F5: variants seen among roughly 807,000 people sequenced by gnomAD.
F5 encodes coagulation factor V, also known as activated protein c cofactor.
In F5, 138 loss-of-function variants were observed where a neutral mutation model predicts 216.4. The ratio of observed to expected loss-of-function variants is 0.64; its 90% CI spans 0.56 to 0.73. The LOEUF is 0.73. Among genes scored for constraint, F5 ranks in the 30% least tolerant of loss-of-function variants. F5 has a pLI of 0.00. For synonymous variants in F5, 916 were observed against 930.7 expected, an observed-to-expected ratio of 0.98 and a Z score of 0.29; for missense variants, 2,403 against 2,674.0, an observed-to-expected ratio of 0.90 and a Z score of 2.24.
chr1:169,572,147 A>G, intron 3 of F5, 74 bp downstream of exon 3: 1 of 1,462,302 alleles, frequency 6.8e-7, no homozygotes, highest in Non-Finnish European at 9.5e-7. Context: ...TTAACAGTAT[A>G]GTTTTAAATG....
intron 7 of F5, among the ~76,000 whole-genome samples, chr1:169,553,778 G>T (rs892600861): frequency 6.6e-6 from 1 of 152,146 alleles, no homozygotes; most frequent in Admixed American, 6.5e-5. Context: ...GAATGGCGAT[G>T]ATTGAAAAGT....
rs201040236 is a variant in F5, at chr1:169,542,355, C to A, written c.2735G>T (p.Ser912Ile). The change falls in exon 13 of 25, where the codon AGC becomes ATC. Residue 912 changes from serine to isoleucine, a missense_variant. By Grantham distance (142) the Ser-to-Ile change is moderately radical (BLOSUM62 -2). This residue lies in a region of F5 where 1,425 missense variants were observed against 1,554.8 expected (regional missense o/e 0.92). Transcript: ENST00000367797. ...TCTGGAAGGAGAACCAGTGTCTTGG[C>A]TAGGAAGGTCCTCCCAGGGCCTCAT... The part of the protein sequence containing the change: ...SGMRPWEDLP[S>I]QDTGSPSRMR... The A allele has an allele frequency of 7.4e-6, 12 of 1,613,670 alleles. No individual in the cohort carries two copies. In the East Asian group the frequency reaches 2.2e-4, roughly 30 times the overall value.
chr1:169,545,812 T>C (rs187641269), intron 11 of F5, among the ~76,000 whole-genome samples: 269 of 152,304 alleles, frequency 1.8e-3, no homozygotes, highest in Non-Finnish European at 2.9e-3. Flanking sequence ...ACCCTGGCTG[T>C]TGTGGAGAAG....
intron 8 of F5, 137 bp downstream of exon 8, chr1:169,552,420 C>A (rs573589839): frequency 6.8e-6 from 5 of 734,748 alleles, no homozygotes; most frequent in South Asian, 5.8e-5. Context: ...AATACAAATA[C>A]TAAATAAAAA....
chr1:169,570,678 T>C (rs1416842598), intron 3 of F5, among the ~76,000 whole-genome samples: 2 of 151,424 alleles, frequency 1.3e-5, no homozygotes, highest in African/African-American at 4.8e-5. Flanking sequence ...ACAGTTTATA[T>C]AGAAAACAAT....
At chr1:169,515,278 A>G (rs1659131897) in intron 24 of F5, among the ~76,000 whole-genome samples, 166 bp downstream of exon 24, 1 of 152,100 alleles carries the variant, frequency 6.6e-6, no homozygotes, top group Admixed American at 6.6e-5. Context: ...ACAAACCAAA[A>G]CAGACAACCA....
chr1:169,522,364 A>C (rs940830393), intron 21 of F5, among the ~76,000 whole-genome samples: 6 of 152,140 alleles, frequency 3.9e-5, no homozygotes, highest in African/African-American at 1.4e-4. Flanking sequence ...AGAAAAAGAC[A>C]ATTAAAAAAA....
chr1:169,512,063 T>A lies in F5; in HGVS notation c.*2250A>T, dbSNP rs1252094360. ...GATCCCCAAACAAGTATTTTCCAGA[T>A]CAATTAATAGTCATTATCAATTAAT... On this transcript the variant is annotated 3_prime_UTR_variant, in exon 25 of 25. Coordinates refer to ENST00000367797, the MANE Select transcript of F5 (RefSeq NM_000130.5). Among the ~76,000 whole-genome samples the A allele has an allele frequency of 6.6e-6, 1 of 152,058 alleles. No individual in the cohort carries two copies. The highest frequency in any genetic ancestry group is 2.4e-5 in the African/African-American group (1 of 41,424).
intron 16 of F5, 75 bp from the exon 17 acceptor site, chr1:169,528,169 C>A (rs1348520233): frequency 1.2e-5 from 19 of 1,540,336 alleles, no homozygotes; most frequent in Non-Finnish European, 1.5e-5. Context: ...AAATATGGGG[C>A]AACCCACTCA....
intron 8 of F5, among the ~76,000 whole-genome samples, chr1:169,551,792 A>T (rs1660173859): frequency 6.6e-6 from 1 of 152,172 alleles, no homozygotes; most frequent in African/African-American, 2.4e-5. Flanking sequence ...TGCAACCTTT[A>T]ATTCTCTGCT....
Position 169,542,860 on chromosome 1 carries a change from A to C in F5, c.2230T>G (p.Leu744Val). ...TTGAACTCTTCTTCTTCCTGATTCA[A>C]TGATGAGTTTCGGAATGACCTGATT... ...LGIRSFRNSS[L>V]NQEEEEFNLT... Residue 744 changes from leucine (L) to valine (V), a missense_variant, in exon 13 of 25, where the codon TTG (leucine) becomes GTG (valine). Coordinates refer to ENST00000367797, the MANE Select transcript of F5 (RefSeq NM_000130.5). 1 of 1,614,184 alleles carries C rather than the reference A, an allele frequency of 6.2e-7. No individual in the cohort carries two copies. The highest frequency in any genetic ancestry group is 8.5e-7 in the Non-Finnish European group (1 of 1,180,002).
chr1:169,525,041 T>C, intron 18 of F5, 133 bp from the exon 19 acceptor site: 1 of 693,270 alleles, frequency 1.4e-6, no homozygotes, highest in Non-Finnish European at 2.5e-6. Flanking sequence ...GGCCCTGACT[T>C]AAATATATCT....
rs149048805 is a variant in F5 at position 169,541,141 on chromosome 1, C to T, written c.3949G>A (p.Gly1317Ser). ...AGGTCTGGAGAAATGGGCATCTGACCGAGGGCTGGGGAAAGGTTTGTCTGA... is the reference window on the plus strand; with the variant it reads ...AGGTCTGGAGAAATGGGCATCTGACTGAGGGCTGGGGAAAGGTTTGTCTGA... ...LSQTNLSPAL[G>S]QMPISPDLSH... Residue 1317 changes from glycine to serine, a missense_variant, in exon 13 of 25, where the codon GGT (glycine) becomes AGT (serine). Transcript: ENST00000367797. 4.1e-5 allele frequency: 63 copies of T among 1,544,554 alleles called. No homozygotes were observed. The highest frequency in any genetic ancestry group is 2.5e-4 in the African/African-American group (16 of 64,130).
chr1:169,539,891 T>C (rs1378612862), intron 13 of F5, among the ~76,000 whole-genome samples: 2 of 152,134 alleles, frequency 1.3e-5, no homozygotes, highest in East Asian at 3.8e-4. Flanking sequence ...TCTAAACAAG[T>C]AAATGCAAAA....
intron 5 of F5, 24 bp from the exon 6 acceptor site, chr1:169,556,891 G>T: frequency 6.3e-7 from 1 of 1,597,230 alleles, no homozygotes; most frequent in Non-Finnish European, 8.6e-7. Context: ...AGAGACACAG[G>T]CCAAAATAAG....
At chr1:169,571,220 G>A (rs1223163415) in intron 3 of F5, among the ~76,000 whole-genome samples, 1 of 152,000 alleles carries the variant, frequency 6.6e-6, no homozygotes, top group Non-Finnish European at 1.5e-5. Context: ...TTAACATCAG[G>A]TACTTACTAT....
rs567759302 is a variant in F5 at position 169,569,199 on chromosome 1, C to G, written c.373+3022G>C. On this transcript the variant is annotated intron_variant, in intron 3 of 24. Coordinates refer to ENST00000367797, the MANE Select transcript of F5 (RefSeq NM_000130.5). ...ATGAGAAGTGAAAAAATGTAATCAC[C>G]TACATTAAGTCAAGCATTGGAATGT... Among the ~76,000 whole-genome samples, 41 of 152,072 alleles carry G rather than the reference C, an allele frequency of 2.7e-4. No homozygotes were observed. In the Middle Eastern group the frequency reaches 0.027, roughly 101 times the overall value.
rs372005449 is a variant in F5 at position 169,514,399 on chromosome 1, T to C, written c.6589A>G (p.Ile2197Val). ...HVKNFFNPPI[I>V]SRFIRVIPKT... ...GGAATGACACGGATAAACCTGGAAATGATTGGGGGGTTGAAAAAGTTCTTC... is the reference window on the plus strand; with the variant it reads ...GGAATGACACGGATAAACCTGGAAACGATTGGGGGGTTGAAAAAGTTCTTC... The change falls in exon 25 of 25, where the codon ATT (isoleucine) becomes GTT (valine). Residue 2197 changes from isoleucine (I) to valine (V), a missense_variant. Ile to Val is a conservative substitution (Grantham distance 29). This residue lies in a region of F5 where 659 missense variants were observed against 787.9 expected (regional missense o/e 0.84). Coordinates refer to ENST00000367797, the MANE Select transcript of F5 (RefSeq NM_000130.5). 85 of 1,613,202 alleles carry C rather than the reference T, an allele frequency of 5.3e-5. No homozygotes were observed. The highest frequency in any genetic ancestry group is 6.1e-5 in the Non-Finnish European group (72 of 1,179,548).
At chr1:169,521,190 C>G (rs936062762) in intron 21 of F5, among the ~76,000 whole-genome samples, 3 of 152,146 alleles carry the variant, frequency 2.0e-5, no homozygotes, top group African/African-American at 7.2e-5. Context: ...ACCTGAGGCC[C>G]CTCCCCAACC....
Sources: gnomAD v4.1 joint callset for allele counts (sites outside exome capture counted in the v4.1 genomes callset) on GRCh38, gnomAD v4.1.1 for gene constraint, gnomAD v4.1.1 regional missense constraint, MANE v1.5 for transcripts, NCBI Gene and HGNC (gene_info 2026-07-23, HGNC 2026-07-21) for gene names.